The following ZNF280D variants were observed in gnomAD, a reference collection of about 807,000 sequenced individuals.
The protein encoded by ZNF280D is zinc finger protein 280D.
In ZNF280D, 39 loss-of-function variants were observed where a neutral mutation model predicts 94.7. The observed-to-expected ratio is 0.41, with a 90% CI of 0.32 to 0.54. The LOEUF is 0.54. ZNF280D is among the 20% of genes least tolerant of loss of function. The pLI is 0.22. For missense variants in ZNF280D, 1,090 were observed against 1,149.3 expected (o/e 0.95, Z 0.75); for synonymous variants, 398 against 377.6 (o/e 1.05, Z -0.63).
intron 1 of ZNF280D, among the ~76,000 whole-genome samples, chr15:56,721,121 C>A (rs370508460): frequency 3.9e-5 from 6 of 152,072 alleles, no homozygotes; most frequent in Non-Finnish European, 8.8e-5. Context: ...CACCACCACG[C>A]CTGGCTAATT....
chr15:56,668,042 C>A, intron 14 of ZNF280D: 1 of 410,906 alleles, frequency 2.4e-6, no homozygotes, highest in Non-Finnish European at 4.8e-6. Context: ...GAATGGATTG[C>A]AGGGAAGGAT....
chr15:56,731,493 C>G (rs1256641874), intron 1 of ZNF280D, among the ~76,000 whole-genome samples: 1 of 92,318 alleles, frequency 1.1e-5, no homozygotes, highest in Non-Finnish European at 2.0e-5. Flanking sequence ...GGACACAGAG[C>G]AAGTACCTAT....
rs1311545136 is a variant in ZNF280D, at chr15:56,631,476, C to A, written c.*22G>T. 2 of 1,606,790 alleles carry A rather than the reference C, an allele frequency of 1.2e-6. No individual in the cohort carries two copies. The highest frequency in any genetic ancestry group is 2.2e-5 in the East Asian group (1 of 44,762). On this transcript the variant is annotated 3_prime_UTR_variant, in exon 22 of 22. Transcript: ENST00000267807. ...TCCAAATGCCCTTATCGTTGGTACACTGAAACTTAAAATGACTAATTTCAA... is the reference window on the plus strand; with the variant it reads ...TCCAAATGCCCTTATCGTTGGTACAATGAAACTTAAAATGACTAATTTCAA...
At chr15:56,657,683 T>A (rs1220884819) in intron 17 of ZNF280D, among the ~76,000 whole-genome samples, 1 of 152,176 alleles carries the variant, frequency 6.6e-6, no homozygotes. Flanking sequence ...TACCACTTTA[T>A]ACCCATTAGG....
chr15:56,647,977 A>G (rs774440869), intron 19 of ZNF280D, among the ~76,000 whole-genome samples: 12 of 152,356 alleles, frequency 7.9e-5, no homozygotes, highest in Non-Finnish European at 1.5e-4. Flanking sequence ...CTAAGAGATT[A>G]TATTATTCAA....
At chr15:56,693,352 C>T (rs188441436) in intron 6 of ZNF280D, 137 bp from the exon 7 acceptor site, 15 of 227,572 alleles carry the variant, frequency 6.6e-5, no homozygotes, top group African/African-American at 3.5e-4. Flanking sequence ...AAATTGTATG[C>T]CCAATATTCT....
At chr15:56,640,871 T>G (rs1471658145) in intron 20 of ZNF280D, among the ~76,000 whole-genome samples, 1 of 152,160 alleles carries the variant, frequency 6.6e-6, no homozygotes, top group African/African-American at 2.4e-5. Context: ...AATGCTGCTT[T>G]AAACTATTTC....
chr15:56,652,941 T>A (rs1231149779), intron 19 of ZNF280D: 13 of 924,590 alleles, frequency 1.4e-5, no homozygotes, highest in Non-Finnish European at 1.5e-5. Flanking sequence ...AAATTTTAAA[T>A]AATATAATAT....
intron 13 of ZNF280D, among the ~76,000 whole-genome samples, chr15:56,669,191 T>C (rs1382202771): frequency 2.0e-5 from 3 of 152,084 alleles, no homozygotes; most frequent in Non-Finnish European, 4.4e-5. Flanking sequence ...GTTCTATCAA[T>C]AGGTTCTAAT....
chr15:56,630,244 T>C lies in ZNF280D; in HGVS notation c.*1254A>G, dbSNP rs779644545. ...TACTATATACAGCAGAGTATTTTAA[T>C]CGCCATTTAAAACATTGAACATTCA... On this transcript the variant is annotated 3_prime_UTR_variant, in exon 22 of 22. Transcript: ENST00000267807. 1 of 152,146 alleles carries C rather than the reference T, an allele frequency of 6.6e-6. No individual in the cohort carries two copies. Among genetic ancestry groups the C allele is most frequent in the Non-Finnish European group, 1.5e-5 (1 of 67,990 alleles). 9.4% of individuals were successfully genotyped at this position (152,146 alleles called of 1,614,324 possible). A position where few individuals can be genotyped will look rare whatever the true frequency, so the allele number is the denominator to read the frequency against.
intron 21 of ZNF280D, among the ~76,000 whole-genome samples, chr15:56,632,673 T>C (rs2170459): frequency 0.49 from 73,326 of 150,978 alleles, 19,154 homozygotes; most frequent in East Asian, 0.6. Flanking sequence ...TTTTTTTATA[T>C]TTCATAGAGA....
At chr15:56,718,197 T>C (rs1212752904) in intron 1 of ZNF280D, among the ~76,000 whole-genome samples, 5 of 152,150 alleles carry the variant, frequency 3.3e-5, no homozygotes, top group Non-Finnish European at 5.9e-5. Context: ...ATAATCAACC[T>C]GTTATATCCA....
chr15:56,634,417 G>C (rs1286063572), intron 21 of ZNF280D, among the ~76,000 whole-genome samples: 2 of 152,194 alleles, frequency 1.3e-5, no homozygotes, highest in Non-Finnish European at 2.9e-5. Context: ...CTCCTTAGTT[G>C]ATTTTTTGTT....
chr15:56,638,393 C>T (rs1358947344), intron 20 of ZNF280D, among the ~76,000 whole-genome samples: 2 of 152,130 alleles, frequency 1.3e-5, no homozygotes, highest in African/African-American at 4.8e-5. Context: ...GTCAGTGATA[C>T]GGAGCTAGAT....
intron 7 of ZNF280D, among the ~76,000 whole-genome samples, chr15:56,692,637 G>A (rs1235621944): frequency 6.6e-6 from 1 of 152,060 alleles, no homozygotes. Context: ...ATTGTTGGGA[G>A]TTTATAATAG....
At chr15:56,713,648 C>A (rs1472507062) in intron 1 of ZNF280D, among the ~76,000 whole-genome samples, 5 of 152,134 alleles carry the variant, frequency 3.3e-5, no homozygotes, top group African/African-American at 1.2e-4. Context: ...CTATGAATAA[C>A]AATCTAATAT....
intron 1 of ZNF280D, among the ~76,000 whole-genome samples, chr15:56,717,160 G>C (rs1416622419): frequency 1.3e-5 from 2 of 152,180 alleles, no homozygotes; most frequent in Non-Finnish European, 2.9e-5. Context: ...CCTGGTACCA[G>C]AGGGAGAGTC....
At chr15:56,700,854 T>C in intron 6 of ZNF280D, 79 bp downstream of exon 6, 1 of 1,610,506 alleles carries the variant, frequency 6.2e-7, no homozygotes, top group Non-Finnish European at 8.5e-7. Flanking sequence ...AGTCCAGAAT[T>C]GTAACTGGGT....
intron 9 of ZNF280D, among the ~76,000 whole-genome samples, chr15:56,686,049 C>A (rs1330266189): frequency 6.6e-6 from 1 of 152,154 alleles, no homozygotes; most frequent in Admixed American, 6.5e-5. Context: ...GTGAGTCTAA[C>A]ATCAAAGTAG....
Sources: allele counts gnomAD v4.1 joint callset (sites outside exome capture counted in the v4.1 genomes callset), GRCh38; gene constraint gnomAD v4.1.1; transcripts MANE v1.5; gene names NCBI Gene and HGNC (gene_info 2026-07-23, HGNC 2026-07-21).